TBC1D1: variants seen among roughly 807,000 people sequenced by gnomAD.
TBC1D1 encodes the protein TBC1 domain family member 1, also known as TBC1 (tre-2/USP6, BUB2, cdc16) domain family, member 1.
In TBC1D1, 89 loss-of-function variants were observed where a neutral mutation model predicts 125.6. That is an observed-to-expected ratio of 0.71 (90% CI 0.60 to 0.85). The LOEUF (loss-of-function observed/expected upper bound fraction) is 0.85. Ranked by LOEUF, TBC1D1 falls within the 40% of genes least tolerant of loss-of-function variation. TBC1D1 has a pLI of 0.00. For synonymous variants in TBC1D1, 565 were observed against 564.1 expected, an observed-to-expected ratio of 1.00 and a Z score of -0.02; for missense variants, 1,377 against 1,469.2, an observed-to-expected ratio of 0.94 and a Z score of 1.03.
chr4:37,975,869 C>T (rs1732969605), intron 2 of TBC1D1, among the ~76,000 whole-genome samples: 1 of 151,974 alleles, frequency 6.6e-6, no homozygotes, highest in African/African-American at 2.4e-5. Flanking sequence ...TATAACTATT[C>T]TTATTTTATA....
chr4:38,041,431 C>T (rs1748351641), intron 8 of TBC1D1, among the ~76,000 whole-genome samples: 2 of 152,168 alleles, frequency 1.3e-5, no homozygotes, highest in Admixed American at 1.3e-4. Context: ...GGGGCACAGT[C>T]CCTGTGACCC....
At chr4:37,954,410 C>G (rs1443700952) in intron 2 of TBC1D1, among the ~76,000 whole-genome samples, 2 of 149,872 alleles carry the variant, frequency 1.3e-5, no homozygotes, top group Non-Finnish European at 3.0e-5. Context: ...AAAAAAATTG[C>G]CTACTATGTG....
intron 2 of TBC1D1, among the ~76,000 whole-genome samples, chr4:37,962,721 G>T (rs1355287496): frequency 6.6e-6 from 1 of 152,156 alleles, no homozygotes; most frequent in Non-Finnish European, 1.5e-5. Flanking sequence ...ACTTAGTTAT[G>T]TTAGTAGTTA....
chr4:37,987,875 G>T (rs1486079107), intron 2 of TBC1D1, among the ~76,000 whole-genome samples: 2 of 152,286 alleles, frequency 1.3e-5, no homozygotes, highest in African/African-American at 2.4e-5. Context: ...TAGTTATTCA[G>T]CTTACCTGGA....
intron 18 of TBC1D1, among the ~76,000 whole-genome samples, chr4:38,126,028 G>T (rs372630999): frequency 3.9e-5 from 6 of 152,156 alleles, no homozygotes; most frequent in African/African-American, 9.7e-5. Flanking sequence ...GCATCATTAG[G>T]TGATTTCATC....
chr4:38,019,181 T>A (rs1396149239), intron 4 of TBC1D1, among the ~76,000 whole-genome samples: 1 of 152,060 alleles, frequency 6.6e-6, no homozygotes, highest in African/African-American at 2.4e-5. Context: ...CTTTTTTTTT[T>A]AAACTCTGGA....
rs114800582 is a variant in TBC1D1 at position 38,046,670 on chromosome 4, G to C, written c.1629+767G>C. On this transcript the variant is annotated intron_variant, in intron 10 of 19. Transcript: ENST00000261439. ...CCACTTGTGGGGAAATTAAATTTCT[G>C]AAACTTTATCCTGTAGCTGGCTCTA... Among the ~76,000 whole-genome samples the C allele has an allele frequency of 9.0e-3, 1,372 of 152,238 alleles. 20 individuals are homozygous for C. The highest frequency in any genetic ancestry group is 0.031 in the African/African-American group (1,307 of 41,514).
At chr4:38,035,957 T>C (rs1440685289) in intron 8 of TBC1D1, among the ~76,000 whole-genome samples, 2 of 152,108 alleles carry the variant, frequency 1.3e-5, no homozygotes, top group African/African-American at 2.4e-5. Flanking sequence ...AAGAATTGAG[T>C]GTAAGAGTGG....
At chr4:38,046,879 C>CT (rs1749591434) in intron 10 of TBC1D1, among the ~76,000 whole-genome samples, 1 of 152,134 alleles carries the variant, frequency 6.6e-6, no homozygotes, top group Non-Finnish European at 1.5e-5. Context: ...CCAGAGGACT[C>CT]TCTTTGGCAG....
At chr4:37,992,604 C>T (rs1318040343) in intron 2 of TBC1D1, among the ~76,000 whole-genome samples, 3 of 150,020 alleles carry the variant, frequency 2.0e-5, no homozygotes, top group Admixed American at 1.3e-4. Context: ...ACGCCATTCT[C>T]CTGCCTCAGC....
chr4:37,967,753 T>A lies in TBC1D1; in HGVS notation c.418-46756T>A, dbSNP rs552568594. On this transcript the variant is annotated intron_variant, in intron 2 of 19. Coordinates refer to ENST00000261439, the MANE Select transcript of TBC1D1 (RefSeq NM_015173.4). ...AAAAGTTATTTCTTGATAAAATTAG[T>A]GCTCTGTCGAGTGATGCTTCTAATG... Among the ~76,000 whole-genome samples, 10 of 152,300 alleles carry A rather than the reference T, an allele frequency of 6.6e-5. No homozygotes were observed. The East Asian group carries it at 1.5e-3, about 23-fold the overall frequency.
chr4:37,987,200 C>G (rs963024092), intron 2 of TBC1D1, among the ~76,000 whole-genome samples: 7 of 151,996 alleles, frequency 4.6e-5, no homozygotes, highest in Admixed American at 2.6e-4. Context: ...TTTTTCAGAA[C>G]TTTATATGTG....
At chr4:37,993,665 T>C (rs890139818) in intron 2 of TBC1D1, among the ~76,000 whole-genome samples, 5 of 152,216 alleles carry the variant, frequency 3.3e-5, no homozygotes, top group Non-Finnish European at 7.3e-5. Context: ...CACTGCAACC[T>C]CCGCCTCCCG....
At chr4:38,112,413 C>A (rs1171452166) in intron 15 of TBC1D1, among the ~76,000 whole-genome samples, 1 of 152,158 alleles carries the variant, frequency 6.6e-6, no homozygotes, top group Non-Finnish European at 1.5e-5. Flanking sequence ...CTTTTGTCCT[C>A]TTGTTTGGAA....
intron 1 of TBC1D1, among the ~76,000 whole-genome samples, chr4:37,899,975 G>C (rs1482118006): frequency 6.6e-6 from 1 of 152,100 alleles, no homozygotes; most frequent in Non-Finnish European, 1.5e-5. Flanking sequence ...AAAAGAATTA[G>C]CCGGGCGCGG....
At chr4:38,071,737 C>G (rs1341022859) in intron 12 of TBC1D1, among the ~76,000 whole-genome samples, 1 of 152,172 alleles carries the variant, frequency 6.6e-6, no homozygotes, top group Non-Finnish European at 1.5e-5. Flanking sequence ...AAAAGTTCTT[C>G]TGTTTGCTTA....
At chr4:37,958,590 G>T (rs995293605) in intron 2 of TBC1D1, among the ~76,000 whole-genome samples, 7 of 152,080 alleles carry the variant, frequency 4.6e-5, no homozygotes, top group South Asian at 2.1e-4. Context: ...AGTGTTCCTG[G>T]ATTAGATTTG....
intron 2 of TBC1D1, among the ~76,000 whole-genome samples, chr4:37,988,554 C>T (rs564779786): frequency 1.3e-5 from 2 of 152,306 alleles, no homozygotes; most frequent in South Asian, 4.1e-4. Flanking sequence ...ACTTAGTACT[C>T]GTGAACCATC....
At chr4:38,017,191 ATAAG>A (rs1742929359) in intron 3 of TBC1D1, among the ~76,000 whole-genome samples, 1 of 152,250 alleles carries the variant, frequency 6.6e-6, no homozygotes, top group Non-Finnish European at 1.5e-5. Flanking sequence ...ATTTTTAAAA[ATAAG>A]TAAGGACTAT....
Sources: allele counts gnomAD v4.1 joint callset (sites outside exome capture counted in the v4.1 genomes callset), GRCh38; gene constraint gnomAD v4.1.1; transcripts MANE v1.5; gene names NCBI Gene and HGNC (gene_info 2026-07-23, HGNC 2026-07-21).